The following TNS1 variants were observed in gnomAD, a reference collection of about 807,000 sequenced individuals.
The protein encoded by TNS1 is tensin-1.
Under a neutral mutation model 168.6 loss-of-function variants are expected in TNS1, and 62 were observed. The observed-to-expected ratio is 0.37, with a 90% CI of 0.30 to 0.45. The LOEUF is 0.45. Among genes scored for constraint, TNS1 ranks in the 20% least tolerant of loss-of-function variants. TNS1 has a pLI of 1.00. For synonymous variants in TNS1, 934 were observed against 933.2 expected, an observed-to-expected ratio of 1.00 and a Z score of -0.02; for missense variants, 2,240 against 2,339.4, an observed-to-expected ratio of 0.96 and a Z score of 0.88.
chr2:217,835,328 A>G (rs1212130901), intron 20 of TNS1, among the ~76,000 whole-genome samples, 162 bp from the exon 21 acceptor site: 1 of 152,236 alleles, frequency 6.6e-6, no homozygotes, highest in Non-Finnish European at 1.5e-5. Flanking sequence ...GTCCTGCCAC[A>G]GGCAGGAGAG....
chr2:217,825,699 A>G (rs1453367893), intron 22 of TNS1, among the ~76,000 whole-genome samples: 1 of 152,226 alleles, frequency 6.6e-6, no homozygotes, highest in African/African-American at 2.4e-5. Flanking sequence ...CCATTAGGCA[A>G]GGCTGGGTCT....
At chr2:217,835,294 A>C (rs1945015175) in intron 20 of TNS1, 128 bp from the exon 21 acceptor site, 1 of 830,742 alleles carries the variant, frequency 1.2e-6, no homozygotes, top group African/African-American at 1.8e-5. Flanking sequence ...CTGGCTCCTC[A>C]CTGGTGCTCA....
chr2:217,983,278 C>T (rs566963948), intron 2 of TNS1, among the ~76,000 whole-genome samples: 2 of 152,278 alleles, frequency 1.3e-5, no homozygotes, highest in African/African-American at 2.4e-5. Flanking sequence ...ATGGGCCCTA[C>T]CTGAGCAGAT....
intron 3 of TNS1, among the ~76,000 whole-genome samples, chr2:217,967,145 C>G (rs1264237001): frequency 6.6e-6 from 1 of 151,972 alleles, no homozygotes; most frequent in Non-Finnish European, 1.5e-5. Flanking sequence ...CGGTGAAACC[C>G]CATCTCTACT....
At chr2:217,830,069 T>C (rs922745691) in intron 22 of TNS1, 2 of 845,250 alleles carry the variant, frequency 2.4e-6, no homozygotes, top group Non-Finnish European at 2.8e-6. Context: ...CGATTTGCGC[T>C]GTCCACAGAA....
At position 217,815,018 on chromosome 2, in the gene TNS1, G is replaced by T. The variant is rs763169182; in HGVS notation, c.4643-20C>A. ...TGTTGTCTAAAGCAGGAGAAGGGAA[G>T]AAAGTGTTATGGGTTAAATTGTGTT... On this transcript the variant is annotated intron_variant, in intron 24 of 32. Coordinates refer to ENST00000682258, the MANE Select transcript of TNS1 (RefSeq NM_001387777.1). 1 of 1,600,548 alleles carries T rather than the reference G, an allele frequency of 6.2e-7. No homozygotes were observed. Among genetic ancestry groups the T allele is most frequent in the South Asian group, 1.1e-5 (1 of 89,044 alleles).
chr2:217,974,061 G>T (rs150882586), intron 3 of TNS1, among the ~76,000 whole-genome samples: 1 of 152,216 alleles, frequency 6.6e-6, no homozygotes, highest in Admixed American at 6.5e-5. Context: ...ATTCCATTTC[G>T]ATGAACATTC....
intron 4 of TNS1, among the ~76,000 whole-genome samples, chr2:217,909,574 C>CACAA (rs1372984728): frequency 2.9e-5 from 4 of 136,648 alleles, no homozygotes; most frequent in Non-Finnish European, 4.5e-5. Context: ...TGGGTGCCCA[C>CACAA]ACACACACAC....
chr2:217,833,615 G>C (rs1944768270), intron 21 of TNS1, among the ~76,000 whole-genome samples: 1 of 152,246 alleles, frequency 6.6e-6, no homozygotes, highest in African/African-American at 2.4e-5. Context: ...AAGTGAGAGA[G>C]GTTCCCCGCA....
chr2:218,031,539 C>T (rs1056708459), intron 1 of TNS1, among the ~76,000 whole-genome samples: 11 of 84,850 alleles, frequency 1.3e-4, no homozygotes, highest in African/African-American at 3.6e-4. Flanking sequence ...GTGTGTGTGC[C>T]TGTGTGTATG....
At position 217,818,450 on chromosome 2, in the gene TNS1, G is replaced by A. The variant is rs745491653; in HGVS notation, c.3882C>T (p.Pro1294=). 3 of 1,614,166 alleles carry A rather than the reference G, an allele frequency of 1.9e-6. No homozygotes were observed. The highest frequency in any genetic ancestry group is 2.5e-6 in the Non-Finnish European group (3 of 1,180,010). ...CCCGCCAGCCGAAGCCAGGACTAGG[G>A]GGAGTGTTGGTGCCCACTGTTCTGT... ...ARHRTVGTNT[P]PSPGFGWRAI... The change falls in exon 24 of 33, where the codon CCC becomes CCT. Residue 1294 remains proline, a synonymous_variant. Transcript: ENST00000682258.
At chr2:217,877,042 G>T (rs1950260795) in intron 18 of TNS1, among the ~76,000 whole-genome samples, 1 of 152,134 alleles carries the variant, frequency 6.6e-6, no homozygotes, top group African/African-American at 2.4e-5. Context: ...TGTCCTCCCA[G>T]CCACTGTCCC....
At chr2:217,870,978 G>A (rs1024636345) in intron 18 of TNS1, among the ~76,000 whole-genome samples, 1 of 152,224 alleles carries the variant, frequency 6.6e-6, no homozygotes, top group Non-Finnish European at 1.5e-5. Context: ...TGAGTCAGGA[G>A]AGGACTCCCC....
chr2:217,992,113 G>A (rs1424878640), intron 1 of TNS1, among the ~76,000 whole-genome samples: 4 of 151,760 alleles, frequency 2.6e-5, no homozygotes, highest in African/African-American at 4.8e-5. Context: ...CACCTTTTGG[G>A]CCCCACTGCG....
intron 19 of TNS1, among the ~76,000 whole-genome samples, chr2:217,844,911 T>C (rs1451289283): frequency 1.3e-5 from 2 of 152,248 alleles, no homozygotes; most frequent in African/African-American, 2.4e-5. Flanking sequence ...TCTTGTCTTA[T>C]TGCACTGGCT....
At chr2:217,992,901 G>A (rs1250087944) in intron 1 of TNS1, among the ~76,000 whole-genome samples, 1 of 152,198 alleles carries the variant, frequency 6.6e-6, no homozygotes, top group Non-Finnish European at 1.5e-5. Context: ...TGATAGGAAT[G>A]GCTTAAATGC....
chr2:217,829,771 G>A, intron 22 of TNS1: 4 of 1,527,424 alleles, frequency 2.6e-6, no homozygotes, highest in Non-Finnish European at 3.5e-6. Context: ...CCTCCAGCCA[G>A]CCTCTTCAAG....
intron 3 of TNS1, among the ~76,000 whole-genome samples, chr2:217,952,506 GC>G (rs1367610724): frequency 6.6e-6 from 1 of 152,144 alleles, no homozygotes; most frequent in Non-Finnish European, 1.5e-5. Context: ...GCAGCAGCCT[GC>G]CCAGTGCAGA....
intron 18 of TNS1, chr2:217,849,579 A>G (rs1363465880): frequency 1.0e-5 from 9 of 900,408 alleles, no homozygotes; most frequent in African/African-American, 5.4e-5. Context: ...AACAGCTGGG[A>G]GCCCTAACCA....
Sources: gnomAD v4.1 joint callset for allele counts (sites outside exome capture counted in the v4.1 genomes callset) on GRCh38, gnomAD v4.1.1 for gene constraint, MANE v1.5 for transcripts, NCBI Gene and HGNC (gene_info 2026-07-23, HGNC 2026-07-21) for gene names.